TENM3: variants seen among roughly 807,000 people sequenced by gnomAD.
TENM3 encodes teneurin transmembrane protein 3, also known as teneurin-3.
TENM3 carries 63 observed loss-of-function variants against 255.1 expected under a neutral mutation model. The observed-to-expected ratio is 0.25, with a 90% CI of 0.20 to 0.30. The LOEUF (loss-of-function observed/expected upper bound fraction) is 0.30. TENM3 is among the 10% of genes least tolerant of loss of function. The probability of loss-of-function intolerance (pLI) is 1.00; values close to 1 mark genes in which losing one functional copy is unlikely to be tolerated. For missense variants in TENM3, 2,929 were observed against 3,461.1 expected, an observed-to-expected ratio of 0.85 and a Z score of 3.86; for synonymous variants, 1,306 against 1,322.3, an observed-to-expected ratio of 0.99 and a Z score of 0.27.
chr4:182,379,885 T>C (rs1284477764), intron 3 of TENM3, among the ~76,000 whole-genome samples: 1 of 152,192 alleles, frequency 6.6e-6, no homozygotes, highest in African/African-American at 2.4e-5. Flanking sequence ...TGAGCAGAGA[T>C]AACTTTATTG....
At chr4:182,486,368 A>G (rs373355968) in intron 3 of TENM3, among the ~76,000 whole-genome samples, 128 of 152,118 alleles carry the variant, frequency 8.4e-4, no homozygotes, top group African/African-American at 2.5e-3. Context: ...AGCTACTATA[A>G]TAAATAAACT....
At chr4:181,531,043 C>T in the TENM3 span, among the ~76,000 whole-genome samples, 1 of 151,998 alleles carries the variant, frequency 6.6e-6, no homozygotes, top group African/African-American at 2.4e-5. Flanking sequence ...GCCTTTTTAT[C>T]CATAATGAAT....
chr4:182,431,391 G>T (rs1236740311), intron 3 of TENM3, among the ~76,000 whole-genome samples: 1 of 152,064 alleles, frequency 6.6e-6, no homozygotes, highest in Non-Finnish European at 1.5e-5. Context: ...CTACTCAGGA[G>T]GCTGAGGCAG....
At chr4:181,850,331 A>C in the TENM3 span, among the ~76,000 whole-genome samples, 2 of 152,144 alleles carry the variant, frequency 1.3e-5, no homozygotes, top group Non-Finnish European at 2.9e-5. Context: ...TTTTAATAGC[A>C]TATAAGTCAT....
the TENM3 span, among the ~76,000 whole-genome samples, chr4:181,602,536 CA>C: frequency 6.6e-6 from 1 of 152,156 alleles, no homozygotes; most frequent in East Asian, 1.9e-4. Context: ...TCTACATCAT[CA>C]GAAATTGAAA....
At chr4:181,580,532 A>T in the TENM3 span, among the ~76,000 whole-genome samples, 1 of 152,268 alleles carries the variant, frequency 6.6e-6, no homozygotes, top group South Asian at 2.1e-4. Flanking sequence ...GATAACCCCC[A>T]TCAACAGCTC....
At chr4:182,214,835 C>CT (rs1029680932) in intron 1 of TENM3, among the ~76,000 whole-genome samples, 6 of 152,060 alleles carry the variant, frequency 3.9e-5, no homozygotes, top group Non-Finnish European at 7.4e-5. Context: ...AAGGAGCATT[C>CT]TTTTTTTTAT....
At chr4:182,060,658 A>G in the TENM3 span, among the ~76,000 whole-genome samples, 1 of 152,182 alleles carries the variant, frequency 6.6e-6, no homozygotes, top group Non-Finnish European at 1.5e-5. Context: ...CAGATTTTCT[A>G]TAGCAAATAC....
At chr4:182,049,977 T>C in the TENM3 span, among the ~76,000 whole-genome samples, 46 of 144,572 alleles carry the variant, frequency 3.2e-4, no homozygotes, top group Middle Eastern at 0.018. Context: ...TTAAAAAATA[T>C]GTATTTTTTT....
At chr4:181,977,829 G>A in the TENM3 span, among the ~76,000 whole-genome samples, 1 of 152,174 alleles carries the variant, frequency 6.6e-6, no homozygotes, top group African/African-American at 2.4e-5. Context: ...ATGAAGATCT[G>A]TTTAAAGTCT....
chr4:181,709,812 C>T, the TENM3 span, among the ~76,000 whole-genome samples: 3 of 152,180 alleles, frequency 2.0e-5, no homozygotes, highest in African/African-American at 7.2e-5. Flanking sequence ...TTTGAAGTAG[C>T]GTTCAGAAGA....
rs748651385 is a variant in TENM3 at position 182,514,200 on chromosome 4, T to C, written c.512-86724T>C. Among the ~76,000 whole-genome samples, 87 of 152,180 alleles carry C rather than the reference T, an allele frequency of 5.7e-4. 1 individual carries two copies. The highest frequency in any genetic ancestry group is 2.1e-3 in the South Asian group (10 of 4,826). The stretch of plus-strand genomic sequence containing the variant: ...TAGTACACTATATTTTTAAACTAAA[T>C]GTTGTGCGCCTAAATGAAAGCAGTG... On this transcript the variant is annotated intron_variant, in intron 3 of 27. Transcript: ENST00000511685.
chr4:182,081,711 G>T, the TENM3 span: 1 of 152,162 alleles, frequency 6.6e-6, no homozygotes, highest in Non-Finnish European at 1.5e-5. Flanking sequence ...TAGCCAGAGG[G>T]GCTGACATTT....
chr4:182,234,172 A>G (rs1756749118), intron 1 of TENM3, among the ~76,000 whole-genome samples: 1 of 152,070 alleles, frequency 6.6e-6, no homozygotes, highest in Non-Finnish European at 1.5e-5. Flanking sequence ...TTGGATTGTC[A>G]GTCTCTCTCT....
the TENM3 span, among the ~76,000 whole-genome samples, chr4:181,488,885 C>T: frequency 6.6e-6 from 1 of 152,094 alleles, no homozygotes; most frequent in Non-Finnish European, 1.5e-5. Context: ...TGGTATTTGC[C>T]TCGTCACGAA....
At chr4:182,662,176 C>T (rs1200425014) in intron 6 of TENM3, among the ~76,000 whole-genome samples, 1 of 152,088 alleles carries the variant, frequency 6.6e-6, no homozygotes, top group African/African-American at 2.4e-5. Flanking sequence ...CTGGGTATCA[C>T]ATAAGAAGGA....
At chr4:182,751,672 T>A (rs184896125) in intron 19 of TENM3, 128 bp from the exon 20 acceptor site, 2 of 682,340 alleles carry the variant, frequency 2.9e-6, no homozygotes, top group African/African-American at 3.6e-5. Context: ...GTACTATTCA[T>A]GTCTAATCTT....
At chr4:182,696,485 G>A (rs1757425492) in intron 12 of TENM3, among the ~76,000 whole-genome samples, 2 of 152,170 alleles carry the variant, frequency 1.3e-5, no homozygotes, top group South Asian at 2.1e-4. Context: ...CCAGCACTTT[G>A]GGAGGCCAAG....
At chr4:182,766,806 G>C (rs889394737) in intron 22 of TENM3, among the ~76,000 whole-genome samples, 2 of 151,820 alleles carry the variant, frequency 1.3e-5, no homozygotes, top group African/African-American at 4.8e-5. Flanking sequence ...AGCAAAGCAC[G>C]GGTCAGAATT....
Sources: allele counts gnomAD v4.1 joint callset (sites outside exome capture counted in the v4.1 genomes callset), GRCh38; gene constraint gnomAD v4.1.1; transcripts MANE v1.5; gene names NCBI Gene and HGNC (gene_info 2026-07-23, HGNC 2026-07-21).